The following SDK2 variants were observed in gnomAD, a reference collection of about 807,000 sequenced individuals.
SDK2 encodes the protein protein sidekick-2.
Under a neutral mutation model 253.9 loss-of-function variants are expected in SDK2, and 105 were observed. The observed-to-expected ratio is 0.41, with a 90% CI of 0.35 to 0.49. SDK2 has a LOEUF of 0.49. SDK2 is among the 20% of genes least tolerant of loss of function. The pLI is 0.06. For missense variants in SDK2, 2,608 were observed against 3,003.0 expected (o/e 0.87, Z 3.07); for synonymous variants, 1,249 against 1,234.9 (o/e 1.01, Z -0.24).
rs1168831606 is a variant in SDK2 at position 73,481,860 on chromosome 17, G to T, written c.225-9642C>A. Among the ~76,000 whole-genome samples, 4 of 152,152 alleles carry T rather than the reference G, an allele frequency of 2.6e-5. No homozygotes were observed. The highest frequency in any genetic ancestry group is 5.9e-5 in the Non-Finnish European group (4 of 68,016). ...GGTTTCCAGCTTGCAGGCGGCAGTT[G>T]GTGTTCTTGGCTGGCCTCCATAACC... On this transcript the variant is annotated intron_variant, in intron 2 of 44. Transcript: ENST00000392650. This position sits in a 1 kb window ranked among gnomAD's most constrained non-coding sequence, Gnocchi z 4.5.
chr17:73,408,047 C>CTTTT (rs951934202), intron 18 of SDK2, among the ~76,000 whole-genome samples: 1 of 66,238 alleles, frequency 1.5e-5, no homozygotes, highest in African/African-American at 5.2e-5. Context: ...AAAATATTTC[C>CTTTT]TTTTTTTTTT....
At chr17:73,640,746 A>G (rs1009848830) in intron 1 of SDK2, among the ~76,000 whole-genome samples, 2 of 152,072 alleles carry the variant, frequency 1.3e-5, no homozygotes, top group Non-Finnish European at 2.9e-5. Context: ...GAGCCTCTAG[A>G]GCTGGGGGTT....
At chr17:73,477,262 C>T (rs376028745) in intron 2 of SDK2, among the ~76,000 whole-genome samples, 1 of 152,134 alleles carries the variant, frequency 6.6e-6, no homozygotes. Flanking sequence ...CCCACTCACC[C>T]GTAGCTGCCA....
At chr17:73,419,422 G>T in intron 15 of SDK2, 116 bp from the exon 16 acceptor site, 1 of 1,151,328 alleles carries the variant, frequency 8.7e-7, no homozygotes, top group Non-Finnish European at 1.2e-6. Flanking sequence ...TACAACTGCT[G>T]TGTGCATCTG....
chr17:73,601,543 A>T (rs1188131582), intron 1 of SDK2, among the ~76,000 whole-genome samples: 2 of 152,164 alleles, frequency 1.3e-5, no homozygotes, highest in African/African-American at 2.4e-5. Context: ...GACGGGATGA[A>T]GCACAGAGAC....
At chr17:73,562,629 G>A (rs1402113676) in intron 1 of SDK2, among the ~76,000 whole-genome samples, 1 of 152,102 alleles carries the variant, frequency 6.6e-6, no homozygotes, top group Non-Finnish European at 1.5e-5. Flanking sequence ...TGTCCAGGCT[G>A]CCGGACAAGG....
intron 1 of SDK2, among the ~76,000 whole-genome samples, chr17:73,640,059 A>G (rs1023599234): frequency 8.5e-5 from 13 of 152,188 alleles, no homozygotes; most frequent in African/African-American, 2.7e-4. Flanking sequence ...ACCAATATGC[A>G]GGTTAACACT....
Position 73,350,778 on chromosome 17 carries a change from T to G in SDK2, c.5771A>C (p.Asn1924Thr). ...PSQSVPAQKA[N>T]PFYEEWWFLV... The stretch of plus-strand genomic sequence containing the variant: ...GAACCACCACTCCTCATAGAAGGGG[T>G]TGGCTTTCTGGGCTGGAGCACAGAT... Residue 1924 changes from asparagine to threonine, a missense_variant, in exon 42 of 45, where the codon AAC (asparagine) becomes ACC (threonine). By Grantham distance (65) the Asn-to-Thr change is moderately conservative. Coordinates refer to ENST00000392650, the MANE Select transcript of SDK2 (RefSeq NM_001144952.2). The G allele has an allele frequency of 6.2e-7, 1 of 1,608,560 alleles. No homozygotes were observed. Among genetic ancestry groups the G allele is most frequent in the Non-Finnish European group, 8.5e-7 (1 of 1,178,422 alleles).
chr17:73,441,014 G>T (rs1480836415), intron 5 of SDK2, 91 bp from the exon 6 acceptor site: 5 of 988,998 alleles, frequency 5.1e-6, no homozygotes, highest in Non-Finnish European at 7.5e-6. Flanking sequence ...GGAGGTCTTT[G>T]TCCTTACCGA....
chr17:73,482,852 C>G (rs1174799748), intron 2 of SDK2, among the ~76,000 whole-genome samples: 1 of 152,230 alleles, frequency 6.6e-6, no homozygotes, highest in African/African-American at 2.4e-5. Flanking sequence ...GCAGGGATCC[C>G]TCCCTAAATA....
chr17:73,631,226 G>A (rs1351586214), intron 1 of SDK2, among the ~76,000 whole-genome samples: 1 of 152,130 alleles, frequency 6.6e-6, no homozygotes, highest in Admixed American at 6.5e-5. Flanking sequence ...AACTCCCCTC[G>A]GCCCTCCTTG....
intron 1 of SDK2, among the ~76,000 whole-genome samples, chr17:73,584,356 C>G (rs2045576157): frequency 1.3e-5 from 2 of 152,314 alleles, no homozygotes; most frequent in Admixed American, 6.5e-5. Context: ...ACCAGCTTTT[C>G]CAATAAGGTT....
intron 18 of SDK2, among the ~76,000 whole-genome samples, chr17:73,413,355 T>C (rs1470858318): frequency 1.3e-5 from 2 of 151,986 alleles, no homozygotes; most frequent in Non-Finnish European, 2.9e-5. Context: ...CCATGGATTC[T>C]ACATTGTGGT....
intron 12 of SDK2, among the ~76,000 whole-genome samples, chr17:73,429,677 A>G (rs1474723146): frequency 6.6e-6 from 1 of 152,264 alleles, no homozygotes; most frequent in Non-Finnish European, 1.5e-5. Context: ...GATATTGCTC[A>G]TAAAATAGAG....
intron 2 of SDK2, among the ~76,000 whole-genome samples, chr17:73,482,570 C>T (rs1599607473): frequency 1.3e-5 from 2 of 152,254 alleles, no homozygotes; most frequent in African/African-American, 2.4e-5. Context: ...GCCGCTATCC[C>T]GGTGACAGCT....
chr17:73,399,420 C>T (rs893777228), intron 21 of SDK2, 131 bp from the exon 22 acceptor site: 12 of 919,374 alleles, frequency 1.3e-5, no homozygotes, highest in East Asian at 5.3e-5. Context: ...AGCACAGCCA[C>T]GGCCCCACTC....
chr17:73,459,015 A>T (rs1053011002), intron 3 of SDK2, among the ~76,000 whole-genome samples: 15 of 152,142 alleles, frequency 9.9e-5, no homozygotes, highest in African/African-American at 3.6e-4. Context: ...CACAGAAAAC[A>T]AAAACTAAAA....
chr17:73,366,659 C>T (rs993883086), intron 37 of SDK2, among the ~76,000 whole-genome samples: 4 of 152,212 alleles, frequency 2.6e-5, no homozygotes, highest in Admixed American at 6.5e-5. Context: ...GCCCCAGTGA[C>T]CAGCTGGGCA....
chr17:73,458,502 T>C (rs943368751), intron 3 of SDK2, among the ~76,000 whole-genome samples: 1 of 152,212 alleles, frequency 6.6e-6, no homozygotes, highest in South Asian at 2.1e-4. Context: ...GCCCTAGTCT[T>C]GATTCTCTTT....
Sources: allele counts gnomAD v4.1 joint callset (sites outside exome capture counted in the v4.1 genomes callset), GRCh38; gene constraint gnomAD v4.1.1; non-coding constraint Gnocchi (gnomAD v3.1); transcripts MANE v1.5; gene names NCBI Gene and HGNC (gene_info 2026-07-23, HGNC 2026-07-21).